Variants in NEB observed in about 807,000 individuals in gnomAD.
The protein encoded by NEB is nemaline myopathy type 2.
NEB carries 512 observed loss-of-function variants against 952.2 expected under a neutral mutation model. That is an observed-to-expected ratio of 0.54 (90% CI 0.50 to 0.58). NEB has a LOEUF of 0.58. Ranked by LOEUF, NEB falls within the 20% of genes least tolerant of loss-of-function variation. The pLI, the probability that NEB is intolerant of heterozygous loss-of-function variation, is 0.00. For missense variants in NEB, 8,428 were observed against 9,231.1 expected, an observed-to-expected ratio of 0.91 and a Z score of 3.56; for synonymous variants, 2,900 against 3,149.8, an observed-to-expected ratio of 0.92 and a Z score of 2.66.
At chr2:151,625,676 GT>G in intron 70 of NEB, 38 bp from the exon 71 acceptor site, 1 of 1,439,664 alleles carries the variant, frequency 6.9e-7, no homozygotes, top group Non-Finnish European at 9.4e-7. Context: ...TAGAAAAACA[GT>G]TTGTTGTAAA....
At chr2:151,666,911 T>G (rs1454360683) in intron 40 of NEB, among the ~76,000 whole-genome samples, 1 of 152,112 alleles carries the variant, frequency 6.6e-6, no homozygotes, top group Non-Finnish European at 1.5e-5. Flanking sequence ...TGTATTACCT[T>G]AAAACGTATT....
At chr2:151,708,765 T>C (rs887575099) in intron 12 of NEB, among the ~76,000 whole-genome samples, 40 of 152,250 alleles carry the variant, frequency 2.6e-4, no homozygotes, top group Admixed American at 9.8e-4. Context: ...TTGTCTGTCC[T>C]CCAAAAAAAT....
At chr2:151,734,281 C>T (rs1195986990) in intron 1 of NEB, 117 bp downstream of exon 1, 5 of 152,188 alleles carry the variant, frequency 3.3e-5, no homozygotes, top group Non-Finnish European at 7.3e-5. Context: ...CTCTCCTAGC[C>T]ATATTTCTAC....
At chr2:151,631,900 T>C (rs946830838) in intron 65 of NEB, among the ~76,000 whole-genome samples, 22 of 152,252 alleles carry the variant, frequency 1.4e-4, no homozygotes, top group Admixed American at 5.2e-4. Flanking sequence ...TTCCCTGCGA[T>C]GTATTCTTCT....
rs1001567304 is a variant in NEB, at chr2:151,689,007, G to C, written c.2311-611C>G. Among the ~76,000 whole-genome samples, 22 of 152,124 alleles carry C rather than the reference G, an allele frequency of 1.4e-4. 1 individual carries two copies. Among genetic ancestry groups the C allele is most frequent in the Non-Finnish European group, 3.1e-4 (21 of 68,016 alleles). Reference sequence around the variant, plus strand: ...ATGGAAAGCAAAACCGTGGATAAGGGGGATTGCTGTGTAACCATACTTTGG... The same window carrying C: ...ATGGAAAGCAAAACCGTGGATAAGGCGGATTGCTGTGTAACCATACTTTGG... On this transcript the variant is annotated intron_variant, in intron 24 of 181. Transcript: ENST00000397345.
At chr2:151,576,521 T>TA (rs2096866038) in intron 105 of NEB, among the ~76,000 whole-genome samples, 167 bp from the exon 106 acceptor site, 2 of 38,814 alleles carry the variant, frequency 5.2e-5, no homozygotes, top group African/African-American at 2.3e-4. Context: ...TATATATTTT[T>TA]TTTTTTTTTT....
chr2:151,553,789 C>G, intron 126 of NEB, 39 bp downstream of exon 126: 3 of 1,550,314 alleles, frequency 1.9e-6, no homozygotes, highest in Non-Finnish European at 2.6e-6. Flanking sequence ...GGCCGTGGGG[C>G]GGGGCCGTGG....
At chr2:151,643,050 G>C (rs751690109) in intron 58 of NEB, 100 bp downstream of exon 58, 1 of 1,332,244 alleles carries the variant, frequency 7.5e-7, no homozygotes, top group East Asian at 2.3e-5. Flanking sequence ...TTAGTACCAA[G>C]CAAAGGAATC....
intron 95 of NEB, among the ~76,000 whole-genome samples, 170 bp downstream of exon 95, chr2:151,591,864 C>T (rs2097286791): frequency 3.3e-5 from 5 of 152,286 alleles, no homozygotes; most frequent in Admixed American, 3.3e-4. Context: ...TTGAGATGTA[C>T]ATTACACAGA....
chr2:151,669,917 G>A (rs1484904973), intron 38 of NEB, among the ~76,000 whole-genome samples: 1 of 152,164 alleles, frequency 6.6e-6, no homozygotes, highest in African/African-American at 2.4e-5. Flanking sequence ...GGTGGCATTT[G>A]AGAGCAGACT....
Position 151,672,537 on chromosome 2 carries a change from G to T in NEB, c.4131C>A (p.Thr1377=). The change falls in exon 37 of 182, where the codon ACC becomes ACA. Residue 1377 remains threonine, a synonymous_variant. Transcript: ENST00000397345. The part of the protein sequence containing the change: ...DREYKKNYEN[T]KTSYHTPGDM... ...CCCCAGGGGTATGGTAGCTGGTTTTGGTGTTCTCATAGTTCTTCTTGTATT... is the reference window on the plus strand; with the variant it reads ...CCCCAGGGGTATGGTAGCTGGTTTTTGTGTTCTCATAGTTCTTCTTGTATT... The T allele has an allele frequency of 6.2e-7, 1 of 1,613,966 alleles. No individual in the cohort carries two copies. The highest frequency in any genetic ancestry group is 8.5e-7 in the Non-Finnish European group (1 of 1,179,886).
chr2:151,617,327 G>T (rs1166012791), intron 75 of NEB, 37 bp downstream of exon 75: 3 of 1,389,526 alleles, frequency 2.2e-6, no homozygotes, highest in Non-Finnish European at 2.0e-6. Flanking sequence ...GTTCATTTTT[G>T]CCTTTCTGTT....
intron 124 of NEB, 106 bp from the exon 125 acceptor site, chr2:151,555,150 C>A: frequency 1.3e-6 from 1 of 753,224 alleles, no homozygotes; most frequent in Non-Finnish European, 2.3e-6. Context: ...TGAGATCCAC[C>A]CAGCGTTGGG....
At chr2:151,514,190 G>A in intron 159 of NEB, 128 bp downstream of exon 159, 1 of 673,752 alleles carries the variant, frequency 1.5e-6, no homozygotes, top group Non-Finnish European at 2.6e-6. Flanking sequence ...ATGTTGATAT[G>A]GAATCTGAAA....
chr2:151,503,400 A>G lies in NEB; in HGVS notation c.23784T>C (p.Thr7928=), dbSNP rs1334542380. 1 of 1,612,938 alleles carries G rather than the reference A, an allele frequency of 6.2e-7. No individual in the cohort carries two copies. Among genetic ancestry groups the G allele is most frequent in the East Asian group, 2.2e-5 (1 of 44,832 alleles). The change falls in exon 166 of 182, where the codon ACT becomes ACC. Residue 7928 remains threonine (T), a synonymous_variant. Transcript: ENST00000397345. The part of the protein sequence containing the change: ...KENLGTGIPT[T]VTPEIERVKR... ...TGACTCTCTCAATCTCTGGAGTCAC[A>G]GTGGTTGGAATGCCTGTTCCCAAGT...
intron 4 of NEB, 76 bp from the exon 5 acceptor site, chr2:151,727,982 C>T: frequency 8.6e-7 from 1 of 1,160,950 alleles, no homozygotes; most frequent in Non-Finnish European, 1.2e-6. Flanking sequence ...ATATATTAGT[C>T]TAACTTCAAG....
At chr2:151,679,661 A>AACC in intron 32 of NEB, 60 bp downstream of exon 32, 1 of 492,386 alleles carries the variant, frequency 2.0e-6, no homozygotes, top group Non-Finnish European at 4.1e-6. Context: ...TCATCGTCAG[A>AACC]CCCCAAGCCC....
At chr2:151,571,153 G>A (rs1436994442) in intron 107 of NEB, among the ~76,000 whole-genome samples, 6 of 152,098 alleles carry the variant, frequency 3.9e-5, no homozygotes, top group Non-Finnish European at 8.8e-5. Flanking sequence ...TTACAGGCAT[G>A]CGCCACCAGG....
intron 125 of NEB, 118 bp downstream of exon 125, chr2:151,554,813 C>G: frequency 1.3e-6 from 1 of 777,216 alleles, no homozygotes; most frequent in Non-Finnish European, 2.3e-6. Flanking sequence ...AATAGGCTAT[C>G]CCATCTAGGT....
Sources: gnomAD v4.1 joint callset for allele counts (sites outside exome capture counted in the v4.1 genomes callset) on GRCh38, gnomAD v4.1.1 for gene constraint, MANE v1.5 for transcripts, NCBI Gene and HGNC (gene_info 2026-07-23, HGNC 2026-07-21) for gene names.